The following SLC17A5 variants were observed in gnomAD, a reference collection of about 807,000 sequenced individuals.
SLC17A5 encodes solute carrier family 17 member 5, also known as sialin.
A neutral mutation model predicts 59.4 loss-of-function variants in SLC17A5; 47 were observed. The ratio of observed to expected loss-of-function variants is 0.79; its 90% CI spans 0.63 to 1.01. The LOEUF is 1.01. SLC17A5 is among the 50% of genes least tolerant of loss of function. The probability of loss-of-function intolerance (pLI) is 0.00; values close to 1 mark genes in which losing one functional copy is unlikely to be tolerated. For synonymous variants in SLC17A5, 202 were observed against 210.7 expected (o/e 0.96, Z 0.36); for missense variants, 522 against 595.5 (o/e 0.88, Z 1.28).
At chr6:73,627,862 C>T (rs1768507039) in intron 6 of SLC17A5, among the ~76,000 whole-genome samples, 1 of 151,482 alleles carries the variant, frequency 6.6e-6, no homozygotes, top group Non-Finnish European at 1.5e-5. Flanking sequence ...CTCCTAACCT[C>T]AGGCGATCCA....
chr6:73,607,775 ATTTT>A (rs10716332), intron 9 of SLC17A5, among the ~76,000 whole-genome samples: 2 of 130,458 alleles, frequency 1.5e-5, no homozygotes, highest in African/African-American at 2.9e-5. Flanking sequence ...GTTCCTTATA[ATTTT>A]TTTTTTTTTT....
chr6:73,650,347 A>G (rs1460321737), intron 1 of SLC17A5, among the ~76,000 whole-genome samples: 1 of 151,650 alleles, frequency 6.6e-6, no homozygotes, highest in Non-Finnish European at 1.5e-5. Flanking sequence ...TTCTGAACTA[A>G]AAATAGAAAA....
intron 7 of SLC17A5, among the ~76,000 whole-genome samples, chr6:73,617,205 C>A (rs570797383): frequency 1.3e-5 from 2 of 151,848 alleles, no homozygotes; most frequent in East Asian, 1.9e-4. Flanking sequence ...GCAGAAGAAT[C>A]GCTTGAACCT....
rs2150070864 is a variant in SLC17A5, at chr6:73,594,854, G to A, written c.*223C>T. The A allele has an allele frequency of 1.8e-6, 1 of 551,002 alleles. No individual in the cohort carries two copies. The highest frequency in any genetic ancestry group is 2.0e-5 in the South Asian group (1 of 48,948). 34.1% of individuals were successfully genotyped at this position (551,002 alleles called of 1,614,324 possible). Reference sequence around the variant, plus strand: ...TGTTGCCCGACTAGCAGGCAGGTATGTGAACCTAAAGTAGAAGTCCTAGCT... The same window carrying A: ...TGTTGCCCGACTAGCAGGCAGGTATATGAACCTAAAGTAGAAGTCCTAGCT... On this transcript the variant is annotated 3_prime_UTR_variant, in exon 11 of 11. Transcript: ENST00000355773.
At chr6:73,601,045 T>A (rs901590265) in intron 9 of SLC17A5, among the ~76,000 whole-genome samples, 6 of 143,130 alleles carry the variant, frequency 4.2e-5, no homozygotes, top group African/African-American at 1.6e-4. Context: ...GGATGCCCAG[T>A]CTGGAAAGTG....
Position 73,644,433 on chromosome 6 carries a change from G to C in SLC17A5, c.265C>G (p.Pro89Ala), listed in dbSNP as rs756297751. 6.2e-7 allele frequency: 1 copy of C among 1,613,828 alleles called. No homozygotes were observed. The highest frequency in any genetic ancestry group is 1.7e-5 in the Admixed American group (1 of 59,982). Reference protein sequence around the residue: ...TSKACPEHSAPIKVHHNQTGK... With the variant: ...TSKACPEHSAAIKVHHNQTGK... ...GTTTGATTATGATGAACTTTTATGG[G>C]AGCAGAATGCTCTGGACACGCCTTG... is the stretch of plus-strand genomic sequence containing the variant. The change falls in exon 2 of 11, where the codon CCC becomes GCC. Residue 89 changes from proline to alanine, a missense_variant. Around this residue, in one of 3 missense-constraint regions of SLC17A5, gnomAD observed 338 missense variants for 363.8 expected, o/e 0.93. Coordinates refer to ENST00000355773, the MANE Select transcript of SLC17A5 (RefSeq NM_012434.5).
intron 7 of SLC17A5, among the ~76,000 whole-genome samples, chr6:73,616,042 C>T (rs1767844074): frequency 2.0e-5 from 3 of 151,948 alleles, no homozygotes; most frequent in Admixed American, 2.0e-4. Context: ...CCTGCTACCA[C>T]ACCTGGCTAA....
chr6:73,653,564 G>T, intron 1 of SLC17A5: 1 of 857,046 alleles, frequency 1.2e-6, no homozygotes, highest in Non-Finnish European at 1.4e-6. Flanking sequence ...CCCCGGCTCG[G>T]CTCCGCGATC....
In SLC17A5 at chr6:73,595,294, G is replaced by C. The variant is rs915784180; in HGVS notation, c.1351-80C>G. 8 of 1,484,014 alleles carry C rather than the reference G, an allele frequency of 5.4e-6. No homozygotes were observed. The African/African-American group carries it at 9.8e-5, about 18-fold the overall frequency. 91.9% of individuals were successfully genotyped at this position (1,484,014 alleles called of 1,614,324 possible). On this transcript the variant is annotated intron_variant, in intron 10 of 10. Coordinates refer to ENST00000355773, the MANE Select transcript of SLC17A5 (RefSeq NM_012434.5). ...TCATTAAAAAGATAGTGTCACAAGA[G>C]TGTTAAAACAGCCACATTATTCATA...
At chr6:73,647,890 G>A (rs1769655712) in intron 1 of SLC17A5, among the ~76,000 whole-genome samples, 1 of 152,148 alleles carries the variant, frequency 6.6e-6, no homozygotes, top group Non-Finnish European at 1.5e-5. Flanking sequence ...CCAACAAGGT[G>A]AAACCCCGTC....
chr6:73,620,252 T>A (rs527878131), intron 7 of SLC17A5, among the ~76,000 whole-genome samples: 1 of 152,254 alleles, frequency 6.6e-6, no homozygotes, highest in East Asian at 1.9e-4. Context: ...TTCCTGTGGA[T>A]CTCAGTTTTA....
intron 1 of SLC17A5, among the ~76,000 whole-genome samples, chr6:73,649,907 T>C (rs940831477): frequency 5.3e-5 from 8 of 152,146 alleles, no homozygotes; most frequent in African/African-American, 1.9e-4. Context: ...GCTGAGCAGA[T>C]ACCCATACAG....
intron 6 of SLC17A5, among the ~76,000 whole-genome samples, chr6:73,622,718 A>G (rs1048852734): frequency 1.3e-5 from 2 of 152,224 alleles, no homozygotes; most frequent in African/African-American, 2.4e-5. Context: ...AATTGAAATG[A>G]TTTATAAAAA....
At chr6:73,628,339 G>A (rs771528866) in intron 6 of SLC17A5, among the ~76,000 whole-genome samples, 6 of 152,176 alleles carry the variant, frequency 3.9e-5, no homozygotes, top group East Asian at 3.8e-4. Flanking sequence ...GGAGGCCAAG[G>A]CAGGCGGATC....
intron 1 of SLC17A5, among the ~76,000 whole-genome samples, chr6:73,645,705 G>C (rs1769511471): frequency 6.6e-6 from 1 of 150,984 alleles, no homozygotes; most frequent in Non-Finnish European, 1.5e-5. Context: ...GGAGAATGGC[G>C]TGAACCCGGG....
chr6:73,651,483 A>AC lies in SLC17A5; in HGVS notation c.94+2309_94+2310insG, dbSNP rs1554164895. 3.4e-4 allele frequency among the ~76,000 whole-genome samples: 45 copies of AC among 133,928 alleles called. 1 individual carries two copies. Among genetic ancestry groups the AC allele is most frequent in the Non-Finnish European group, 4.7e-4 (28 of 59,868 alleles). 87.9% of individuals were successfully genotyped at this position (133,928 alleles called of 152,430 possible). ...CTCAAAAAAAAAAAAAAAAAAAAAA[A>AC]ATCAGGACATAATTGAGGAAATATG... On this transcript the variant is annotated intron_variant, in intron 1 of 10. Coordinates refer to ENST00000355773, the MANE Select transcript of SLC17A5 (RefSeq NM_012434.5).
chr6:73,601,734 AG>A (rs1228517981), intron 9 of SLC17A5, among the ~76,000 whole-genome samples: 3 of 116,592 alleles, frequency 2.6e-5, no homozygotes, highest in African/African-American at 1.1e-4. Context: ...CCGGGAGGTG[AG>A]GGGCGCCTCT....
At chr6:73,641,662 A>G in intron 3 of SLC17A5, 29 bp downstream of exon 3, 1 of 1,478,846 alleles carries the variant, frequency 6.8e-7, no homozygotes, top group Non-Finnish European at 9.4e-7. Context: ...ACACGGTAAG[A>G]AGTAAAACAA....
intron 9 of SLC17A5, among the ~76,000 whole-genome samples, chr6:73,602,259 T>A (rs2150078883): frequency 6.7e-6 from 1 of 148,390 alleles, no homozygotes; most frequent in African/African-American, 2.5e-5. Context: ...TTAAGAATCA[T>A]CACCACTCCC....
Sources: gnomAD v4.1 joint callset for allele counts (sites outside exome capture counted in the v4.1 genomes callset) on GRCh38, gnomAD v4.1.1 for gene constraint, gnomAD v4.1.1 regional missense constraint, MANE v1.5 for transcripts, NCBI Gene and HGNC (gene_info 2026-07-23, HGNC 2026-07-21) for gene names.